Variants in UVRAG observed in about 807,000 individuals in gnomAD.
The protein encoded by UVRAG is UV radiation resistance associated, also known as UV radiation resistance-associated gene protein.
Under a neutral mutation model 78.0 loss-of-function variants are expected in UVRAG, and 19 were observed. The observed-to-expected ratio is 0.24, with a 90% CI of 0.17 to 0.36. UVRAG has a LOEUF of 0.36. Among genes scored for constraint, UVRAG ranks in the 10% least tolerant of loss-of-function variants. The pLI is 1.00. For missense variants in UVRAG, 740 were observed against 853.8 expected (o/e 0.87, Z 1.66); for synonymous variants, 323 against 324.6 (o/e 1.00, Z 0.05).
intron 1 of UVRAG, among the ~76,000 whole-genome samples, chr11:75,817,485 G>A (rs537609642): frequency 9.9e-5 from 15 of 152,280 alleles, no homozygotes; most frequent in African/African-American, 3.6e-4. Flanking sequence ...TGCTATATGA[G>A]TGCCGAGTAT....
In UVRAG at chr11:75,822,678, T is replaced by A. The variant is rs1259534747; in HGVS notation, c.117+7154T>A. Reference sequence around the variant, plus strand: ...TGCACTTACTGTTTTTTTTTTTTTTTTAAATAAACAATATTACACAGGATA... The same window carrying A: ...TGCACTTACTGTTTTTTTTTTTTTTATAAATAAACAATATTACACAGGATA... On this transcript the variant is annotated intron_variant, in intron 1 of 14. Coordinates refer to ENST00000356136, the MANE Select transcript of UVRAG (RefSeq NM_003369.4). Among the ~76,000 whole-genome samples, 823 of 150,190 alleles carry A rather than the reference T, an allele frequency of 5.5e-3. 6 individuals carry two copies. Among genetic ancestry groups the A allele is most frequent in the African/African-American group, 0.02 (794 of 39,704 alleles).
rs781218840 is a variant in UVRAG at position 76,085,063 on chromosome 11, CAAAAAAAAAAA to C, written c.1305+19291_1305+19301del. Among the ~76,000 whole-genome samples the C allele has an allele frequency of 3.8e-3, 189 of 49,612 alleles. 1 individual carries two copies. Among genetic ancestry groups the C allele is most frequent in the African/African-American group, 7.4e-3 (151 of 20,346 alleles). 32.5% of individuals were successfully genotyped at this position (49,612 alleles called of 152,430 possible). ...TGGGGGACAGAGCGAGACCCTGTCT[CAAAAAAAAAAA>C]AAAAAAAAAAAAAAATCTAATTGTT... On this transcript the variant is annotated intron_variant, in intron 13 of 14. Transcript: ENST00000356136.
intron 8 of UVRAG, among the ~76,000 whole-genome samples, chr11:76,000,252 AAAC>A (rs1256139977): frequency 2.6e-5 from 4 of 152,222 alleles, no homozygotes; most frequent in Non-Finnish European, 2.9e-5. Context: ...ATTTACAACA[AAAC>A]AAAAAACAAG....
rs1952698866 is a variant in UVRAG at position 76,140,589 on chromosome 11, A to G, written c.1398-122A>G. 5 of 1,007,022 alleles carry G rather than the reference A, an allele frequency of 5.0e-6. No homozygotes were observed. The East Asian group carries it at 7.7e-5, about 15-fold the overall frequency. The allele number at this position is 1,007,022 out of a possible 1,614,324, so 62.4% of individuals were successfully genotyped here. On this transcript the variant is annotated intron_variant, in intron 14 of 14. Coordinates refer to ENST00000356136, the MANE Select transcript of UVRAG (RefSeq NM_003369.4). Reference sequence around the variant, plus strand: ...GACACTGCAATAACTATTGTCTAAGATTGATTCTTATCTATTTTTATTAGC... The same window carrying G: ...GACACTGCAATAACTATTGTCTAAGGTTGATTCTTATCTATTTTTATTAGC...
intron 13 of UVRAG, among the ~76,000 whole-genome samples, chr11:76,100,537 T>C (rs1047305750): frequency 1.3e-5 from 2 of 152,142 alleles, no homozygotes; most frequent in East Asian, 3.8e-4. Flanking sequence ...AAGGTAGATA[T>C]AATCTTTTTC....
intron 3 of UVRAG, among the ~76,000 whole-genome samples, chr11:75,864,482 T>C (rs1946494791): frequency 6.6e-6 from 1 of 152,244 alleles, no homozygotes; most frequent in Non-Finnish European, 1.5e-5. Context: ...ATGCCAGAGA[T>C]GGCACGTTGT....
rs142014857 is a variant in UVRAG at position 76,099,695 on chromosome 11, A to C, written c.1306-16229A>C. 3.9e-5 allele frequency among the ~76,000 whole-genome samples: 6 copies of C among 152,182 alleles called. No homozygotes were observed. The East Asian group carries it at 1.2e-3, about 29-fold the overall frequency. ...TCATATAGATCTTGCTATTTTGGTT[A>C]TGTTTATTTCCAGGTATTTTATCTT... On this transcript the variant is annotated intron_variant, in intron 13 of 14. Transcript: ENST00000356136.
In UVRAG at chr11:76,140,720, T is replaced by A. The variant is rs776524368; in HGVS notation, c.1407T>A (p.His469Gln). 5.1e-6 allele frequency: 8 copies of A among 1,578,870 alleles called. No homozygotes were observed. The highest frequency in any genetic ancestry group is 6.9e-6 in the Non-Finnish European group (8 of 1,165,018). Residue 469 changes from histidine to glutamine, a missense_variant, in exon 15 of 15, where the codon CAT becomes CAA. Physicochemically the swap from His to Gln is conservative, Grantham distance 24. Transcript: ENST00000356136. ...EHGLMVRCDRHHTSSAIPVPK... is the reference protein window; with the variant it reads ...EHGLMVRCDRQHTSSAIPVPK... ...TTTGTTTCTCTTCTAGTGACAGACA[T>A]CACACCTCCAGTGCAATCCCTGTTC...
At chr11:75,928,014 A>G (rs1591027691) in intron 6 of UVRAG, among the ~76,000 whole-genome samples, 1 of 152,064 alleles carries the variant, frequency 6.6e-6, no homozygotes. Context: ...AGGCTGGAGG[A>G]TCCCTTGAGC....
chr11:75,916,787 T>G (rs1354370216), intron 6 of UVRAG: 1 of 152,220 alleles, frequency 6.6e-6, no homozygotes, highest in Admixed American at 6.5e-5. Context: ...TTAGTTGGGT[T>G]GGGGCTAAAA....
chr11:76,030,905 A>G (rs1950425111), intron 12 of UVRAG, among the ~76,000 whole-genome samples: 1 of 152,194 alleles, frequency 6.6e-6, no homozygotes, highest in African/African-American at 2.4e-5. Context: ...GCCCAACTCA[A>G]TGATGCAGGT....
At chr11:75,945,323 G>C (rs1267900140) in intron 6 of UVRAG, among the ~76,000 whole-genome samples, 1 of 152,088 alleles carries the variant, frequency 6.6e-6, no homozygotes, top group African/African-American at 2.4e-5. Flanking sequence ...GTACTACGGG[G>C]AAGCTCAGGA....
chr11:76,004,539 C>A (rs923406343), intron 9 of UVRAG, among the ~76,000 whole-genome samples: 1 of 151,780 alleles, frequency 6.6e-6, no homozygotes, highest in Non-Finnish European at 1.5e-5. Flanking sequence ...TACGATCAGA[C>A]CTCTCCTCTT....
At chr11:76,057,035 A>G (rs944210958) in intron 12 of UVRAG, among the ~76,000 whole-genome samples, 7 of 152,228 alleles carry the variant, frequency 4.6e-5, no homozygotes, top group African/African-American at 1.7e-4. Context: ...TGTTCAGGGA[A>G]CAGAAGGAAA....
chr11:75,906,919 T>C (rs1178239969), intron 5 of UVRAG, among the ~76,000 whole-genome samples: 1 of 152,234 alleles, frequency 6.6e-6, no homozygotes, highest in Non-Finnish European at 1.5e-5. Flanking sequence ...GTTTTGACTA[T>C]TGTTGCTTGG....
intron 13 of UVRAG, among the ~76,000 whole-genome samples, chr11:76,068,023 T>C (rs1452547674): frequency 6.6e-6 from 1 of 152,232 alleles, no homozygotes; most frequent in East Asian, 1.9e-4. Flanking sequence ...TTACTCCTGC[T>C]GAAATGCCTG....
chr11:75,929,603 G>A (rs1948189861), intron 6 of UVRAG, among the ~76,000 whole-genome samples: 1 of 152,142 alleles, frequency 6.6e-6, no homozygotes, highest in Non-Finnish European at 1.5e-5. Flanking sequence ...GTGAGGGAGA[G>A]AAATGAAGCC....
At chr11:75,922,006 A>G (rs528344621) in intron 6 of UVRAG, among the ~76,000 whole-genome samples, 2 of 152,008 alleles carry the variant, frequency 1.3e-5, no homozygotes, top group Admixed American at 6.5e-5. Flanking sequence ...CTTCTTTTTG[A>G]TACTATTTTT....
At chr11:76,124,390 T>C (rs576619357) in intron 14 of UVRAG, among the ~76,000 whole-genome samples, 2 of 152,200 alleles carry the variant, frequency 1.3e-5, no homozygotes, top group Non-Finnish European at 2.9e-5. Context: ...TTGAAGGACA[T>C]GACTTGCAGG....
Sources: gnomAD v4.1 joint callset for allele counts (sites outside exome capture counted in the v4.1 genomes callset) on GRCh38, gnomAD v4.1.1 for gene constraint, MANE v1.5 for transcripts, NCBI Gene and HGNC (gene_info 2026-07-23, HGNC 2026-07-21) for gene names.